NEMP2: variants seen among roughly 807,000 people sequenced by gnomAD.
The protein encoded by NEMP2 is nuclear envelope integral membrane protein 2.
Under a neutral mutation model 54.2 loss-of-function variants are expected in NEMP2, and 53 were observed. The ratio of observed to expected loss-of-function variants is 0.98; its 90% CI spans 0.78 to 1.23. The LOEUF (loss-of-function observed/expected upper bound fraction) is 1.23. Among genes scored for constraint, NEMP2 ranks in the 50% most tolerant of loss-of-function variants. The probability of loss-of-function intolerance (pLI) is 0.00; values close to 1 mark genes in which losing one functional copy is unlikely to be tolerated. For synonymous variants in NEMP2, 197 were observed against 190.3 expected, an observed-to-expected ratio of 1.04 and a Z score of -0.29; for missense variants, 455 against 511.3, an observed-to-expected ratio of 0.89 and a Z score of 1.06.
chr2:190,524,964 T>C (rs1690879982), intron 2 of NEMP2, among the ~76,000 whole-genome samples: 2 of 152,202 alleles, frequency 1.3e-5, no homozygotes, highest in African/African-American at 2.4e-5. Flanking sequence ...TTGTGGAAAG[T>C]AGGAGGAACA....
At chr2:190,500,415 A>C, downstream of NEMP2, 1 of 613,466 alleles carries the variant, frequency 1.6e-6, no homozygotes. The surrounding 1 kb of genome is among the most constrained non-coding windows in gnomAD (Gnocchi z 5.3). Context: ...AAACTTTCGT[A>C]ATCTCATTGG....
chr2:190,462,349 T>C, the NEMP2 span, among the ~76,000 whole-genome samples: 1 of 152,170 alleles, frequency 6.6e-6, no homozygotes, highest in Non-Finnish European at 1.5e-5. The surrounding 1 kb of genome is among the most constrained non-coding windows in gnomAD (Gnocchi z 5.7). Context: ...ATTTTAAACA[T>C]CCCACAGTGA....
chr2:190,647,281 C>A, the NEMP2 span, among the ~76,000 whole-genome samples: 38 of 152,156 alleles, frequency 2.5e-4, no homozygotes, highest in Non-Finnish European at 4.4e-4. Flanking sequence ...TATTCCATTG[C>A]GGCATTACTC....
the NEMP2 span, among the ~76,000 whole-genome samples, chr2:190,637,690 C>T: frequency 6.6e-6 from 1 of 152,196 alleles, no homozygotes; most frequent in Non-Finnish European, 1.5e-5. The surrounding 1 kb of genome is among the most constrained non-coding windows in gnomAD (Gnocchi z 4.5). Flanking sequence ...GACTTTCACC[C>T]CTCTGCCCTA....
the NEMP2 span, chr2:190,609,068 T>G: frequency 6.6e-6 from 1 of 152,176 alleles, no homozygotes; most frequent in East Asian, 1.9e-4. This position sits in a 1 kb window ranked among gnomAD's most constrained non-coding sequence, Gnocchi z 4.7. Context: ...CTGCTATTTC[T>G]CGTGGCCCAA....
At chr2:190,492,104 C>T in the NEMP2 span, among the ~76,000 whole-genome samples, 3 of 151,670 alleles carry the variant, frequency 2.0e-5, no homozygotes, top group Admixed American at 6.6e-5. This position sits in a 1 kb window ranked among gnomAD's most constrained non-coding sequence, Gnocchi z 5.2. Flanking sequence ...CCAACGAAGA[C>T]AAAGAAAAAA....
chr2:190,644,912 C>T, the NEMP2 span, among the ~76,000 whole-genome samples: 105 of 152,144 alleles, frequency 6.9e-4, 2 homozygotes, highest in South Asian at 0.021. This position sits in a 1 kb window ranked among gnomAD's most constrained non-coding sequence, Gnocchi z 4.4. Flanking sequence ...AAAAAAAACA[C>T]ACACACACAA....
At chr2:190,613,717 A>G in the NEMP2 span, among the ~76,000 whole-genome samples, 1 of 152,100 alleles carries the variant, frequency 6.6e-6, no homozygotes, top group South Asian at 2.1e-4. Flanking sequence ...CCTCCCAAGT[A>G]GCTGGGATTA....
At chr2:190,600,020 C>T in the NEMP2 span, among the ~76,000 whole-genome samples, 1 of 152,148 alleles carries the variant, frequency 6.6e-6, no homozygotes, top group Non-Finnish European at 1.5e-5. This position sits in a 1 kb window ranked among gnomAD's most constrained non-coding sequence, Gnocchi z 4.9. Flanking sequence ...CCTAGCTGCC[C>T]CTGTGTGTGT....
chr2:190,629,420 C>T, the NEMP2 span, among the ~76,000 whole-genome samples: 1 of 152,114 alleles, frequency 6.6e-6, no homozygotes, highest in East Asian at 1.9e-4. Flanking sequence ...TGTAAGGAGT[C>T]CCTTATCAGA....
the NEMP2 span, among the ~76,000 whole-genome samples, chr2:190,647,939 C>G: frequency 6.6e-6 from 1 of 152,152 alleles, no homozygotes. Flanking sequence ...GTGTCCAACT[C>G]CGGACCTCAG....
the NEMP2 span, chr2:190,464,773 G>A: frequency 4.7e-5 from 12 of 253,332 alleles, no homozygotes; most frequent in Non-Finnish European, 7.5e-5. Flanking sequence ...TCCCAACTAG[G>A]CTGTAAGTCC....
At chr2:190,552,328 T>C in the NEMP2 span, among the ~76,000 whole-genome samples, 1 of 152,232 alleles carries the variant, frequency 6.6e-6, no homozygotes, top group African/African-American at 2.4e-5. Flanking sequence ...ATATTGTCTC[T>C]GAGTTTTTTA....
the NEMP2 span, among the ~76,000 whole-genome samples, chr2:190,459,477 G>T: frequency 3.8e-3 from 571 of 152,140 alleles, no homozygotes; most frequent in African/African-American, 0.012. This position sits in a 1 kb window ranked among gnomAD's most constrained non-coding sequence, Gnocchi z 5.3. Context: ...AATTGTAGGG[G>T]GTGTGTGTGT....
rs1333131066 is a variant in NEMP2, at chr2:190,528,209, T to G, written c.98-2831A>C. Reference sequence around the variant, plus strand: ...TGCAGTCCCAGGGATATCAAAGGGCTGGCAGCTACCTATAGAAAAGAAGAA... The same window carrying G: ...TGCAGTCCCAGGGATATCAAAGGGCGGGCAGCTACCTATAGAAAAGAAGAA... On this transcript the variant is annotated intron_variant, in intron 1 of 8. Transcript: ENST00000409150. This position sits in a 1 kb window ranked among gnomAD's most constrained non-coding sequence, Gnocchi z 4.3. Among the ~76,000 whole-genome samples the G allele has an allele frequency of 6.6e-6, 1 of 152,200 alleles. No individual in the cohort carries two copies. Among genetic ancestry groups the G allele is most frequent in the African/African-American group, 2.4e-5 (1 of 41,440 alleles).
chr2:190,552,189 GTC>G, the NEMP2 span, among the ~76,000 whole-genome samples: 1 of 152,118 alleles, frequency 6.6e-6, no homozygotes, highest in African/African-American at 2.4e-5. Context: ...GTCTGTCAAA[GTC>G]TGTCAAGTTT....
chr2:190,467,196 G>C, the NEMP2 span, among the ~76,000 whole-genome samples: 1 of 152,240 alleles, frequency 6.6e-6, no homozygotes, highest in Non-Finnish European at 1.5e-5. This position sits in a 1 kb window ranked among gnomAD's most constrained non-coding sequence, Gnocchi z 5.5. Context: ...CCCTGGCTCA[G>C]TAAGAGAACA....
chr2:190,477,580 T>C, the NEMP2 span, among the ~76,000 whole-genome samples: 3 of 152,188 alleles, frequency 2.0e-5, no homozygotes, highest in African/African-American at 7.2e-5. Context: ...AATTTAAAAA[T>C]GCATTTTCCT....
At chr2:190,606,038 T>A in the NEMP2 span, among the ~76,000 whole-genome samples, 1 of 152,236 alleles carries the variant, frequency 6.6e-6, no homozygotes, top group African/African-American at 2.4e-5. Flanking sequence ...TTCAATGGAA[T>A]GTATCTGAGG....
Sources: gnomAD v4.1 joint callset for allele counts (sites outside exome capture counted in the v4.1 genomes callset) on GRCh38, gnomAD v4.1.1 for gene constraint, Gnocchi (gnomAD v3.1) non-coding constraint, MANE v1.5 for transcripts, NCBI Gene and HGNC (gene_info 2026-07-23, HGNC 2026-07-21) for gene names.